PTPRB: variants seen among roughly 807,000 people sequenced by gnomAD.
PTPRB encodes the protein receptor-type tyrosine-protein phosphatase beta.
PTPRB carries 97 observed loss-of-function variants against 238.1 expected under a neutral mutation model. The observed-to-expected ratio is 0.41, with a 90% CI of 0.35 to 0.48. The LOEUF (loss-of-function observed/expected upper bound fraction) is 0.48, where lower values mean the gene tolerates loss of function less well. Among genes scored for constraint, PTPRB ranks in the 20% least tolerant of loss-of-function variants. The pLI is 0.30. For synonymous variants in PTPRB, 970 were observed against 995.4 expected, an observed-to-expected ratio of 0.97 and a Z score of 0.48; for missense variants, 2,292 against 2,681.9, an observed-to-expected ratio of 0.85 and a Z score of 3.21.
At chr12:70,563,168 G>A (rs968415983) in intron 15 of PTPRB, 61 bp from the exon 16 acceptor site, 2 of 1,460,176 alleles carry the variant, frequency 1.4e-6, no homozygotes, top group African/African-American at 2.9e-5. Flanking sequence ...AAGGGAGCAG[G>A]TGGGGAAGAG....
chr12:70,526,136 C>CAGCT (rs1294065592), intron 32 of PTPRB, among the ~76,000 whole-genome samples: 1 of 152,088 alleles, frequency 6.6e-6, no homozygotes, highest in African/African-American at 2.4e-5. Flanking sequence ...CTAGCTTGGC[C>CAGCT]AGCTATCCAT....
intron 15 of PTPRB, among the ~76,000 whole-genome samples, chr12:70,565,100 C>G (rs948577041): frequency 6.6e-6 from 1 of 152,024 alleles, no homozygotes; most frequent in African/African-American, 2.4e-5. Context: ...AGTGCCTAGC[C>G]TATAGTAGGT....
rs1212419595 is a variant in PTPRB, at chr12:70,519,601, G to A, written c.*1888C>T. The A allele has an allele frequency of 6.6e-6, 1 of 152,228 alleles. No homozygotes were observed. Among genetic ancestry groups the A allele is most frequent in the Non-Finnish European group, 1.5e-5 (1 of 68,054 alleles). 9.4% of individuals were successfully genotyped at this position (152,228 alleles called of 1,614,324 possible). On this transcript the variant is annotated 3_prime_UTR_variant, in exon 34 of 34. Coordinates refer to ENST00000334414, the MANE Select transcript of PTPRB (RefSeq NM_001109754.4). ...ATGTGCTTTGCATCAAGCAACATTA[G>A]TGTAAAATTCTGCTTTTTCTCTTTT...
At position 70,544,590 on chromosome 12, in the gene PTPRB, T is replaced by C; in HGVS notation, c.5461A>G (p.Thr1821Ala). Residue 1821 changes from threonine (T) to alanine (A), a missense_variant, in exon 22 of 34, where the codon ACA (threonine) becomes GCA (alanine). Thr to Ala is a moderately conservative substitution (Grantham distance 58). Transcript: ENST00000334414. ...KEFTKPLYSD[T>A]FFSLPITTES... ...GTAGTGATGGGTAAAGAAAAAAATG[T>C]GTCTGAATAGAGTGGCTTTGTGAAT... is the stretch of plus-strand genomic sequence containing the variant. 1 of 1,612,208 alleles carries C rather than the reference T, an allele frequency of 6.2e-7. No individual in the cohort carries two copies. Among genetic ancestry groups the C allele is most frequent in the Non-Finnish European group, 8.5e-7 (1 of 1,179,230 alleles).
intron 3 of PTPRB, among the ~76,000 whole-genome samples, chr12:70,615,585 C>T (rs748554983): frequency 2.2e-4 from 33 of 152,140 alleles, no homozygotes; most frequent in Non-Finnish European, 4.4e-5. Context: ...AATTTATAAT[C>T]AGATGTGAGT....
chr12:70,528,551 T>C (rs980048156), intron 32 of PTPRB, among the ~76,000 whole-genome samples: 1 of 152,088 alleles, frequency 6.6e-6, no homozygotes, highest in African/African-American at 2.4e-5. Context: ...TCGTGACTGC[T>C]TGGATGTGGG....
At chr12:70,632,624 A>G (rs1343224455) in intron 2 of PTPRB, among the ~76,000 whole-genome samples, 1 of 152,020 alleles carries the variant, frequency 6.6e-6, no homozygotes, top group Non-Finnish European at 1.5e-5. Context: ...ACTGGCAAGG[A>G]CATATATTGG....
At chr12:70,539,448 G>A (rs1433110072) in intron 26 of PTPRB, 177 bp downstream of exon 26, 2 of 604,290 alleles carry the variant, frequency 3.3e-6, no homozygotes, top group Non-Finnish European at 5.8e-6. Context: ...TGGCCTCTAA[G>A]ATTAGATGGT....
intron 10 of PTPRB, among the ~76,000 whole-genome samples, chr12:70,577,299 T>C (rs1048265938): frequency 4.6e-5 from 7 of 152,302 alleles, no homozygotes; most frequent in Non-Finnish European, 7.4e-5. Flanking sequence ...AGAACTGTTA[T>C]GGCGATAATG....
In PTPRB at chr12:70,516,294, G is replaced by T. The variant is rs1871193143; in HGVS notation, c.*5195C>A. 1 of 152,206 alleles carries T rather than the reference G, an allele frequency of 6.6e-6. No individual in the cohort carries two copies. Among genetic ancestry groups the T allele is most frequent in the Non-Finnish European group, 1.5e-5 (1 of 68,026 alleles). 9.4% of individuals were successfully genotyped at this position (152,206 alleles called of 1,614,324 possible). A position where few individuals can be genotyped will look rare whatever the true frequency, so the allele number is the denominator to read the frequency against. On this transcript the variant is annotated 3_prime_UTR_variant, in exon 34 of 34. Transcript: ENST00000334414. Reference sequence around the variant, plus strand: ...CAGGCCAGGAGCAATTTCAAGAAGTGTGTGTAGAATGTCTATGAGCTGTGC... The same window carrying T: ...CAGGCCAGGAGCAATTTCAAGAAGTTTGTGTAGAATGTCTATGAGCTGTGC...
At position 70,540,036 on chromosome 12, in the gene PTPRB, G is replaced by A. The variant is rs772902396; in HGVS notation, c.5595-14C>T. ...TCTCGACCATGGCTGAAACATAAGG[G>A]AGATAACTTTTATTCTGATTATGAT... On this transcript the variant is annotated splice_polypyrimidine_tract_variant and intron_variant, in intron 23 of 33. Transcript: ENST00000334414. The A allele has an allele frequency of 2.0e-5, 32 of 1,585,258 alleles. No homozygotes were observed. Among genetic ancestry groups the A allele is most frequent in the Non-Finnish European group, 3.5e-6 (4 of 1,155,116 alleles).
At chr12:70,580,995 A>G in intron 10 of PTPRB, 41 bp downstream of exon 10, 1 of 1,590,280 alleles carries the variant, frequency 6.3e-7, no homozygotes, top group Non-Finnish European at 8.6e-7. Context: ...TCATGTACTC[A>G]GATCTTAGTT....
intron 32 of PTPRB, among the ~76,000 whole-genome samples, chr12:70,529,692 C>T (rs1302516624): frequency 6.6e-6 from 1 of 152,052 alleles, no homozygotes; most frequent in Non-Finnish European, 1.5e-5. Context: ...AATTCTGCAA[C>T]CTTTGATGAA....
intron 4 of PTPRB, among the ~76,000 whole-genome samples, chr12:70,607,672 G>A (rs1048987544): frequency 6.6e-6 from 1 of 151,674 alleles, no homozygotes; most frequent in African/African-American, 2.4e-5. Flanking sequence ...AAGTAGCTGG[G>A]ATTACAGGCG....
intron 3 of PTPRB, among the ~76,000 whole-genome samples, chr12:70,612,294 A>G (rs1164390226): frequency 6.6e-6 from 1 of 152,250 alleles, no homozygotes; most frequent in African/African-American, 2.4e-5. Flanking sequence ...TCCTTTTAAA[A>G]GTACAAAACT....
chr12:70,596,183 A>C lies in PTPRB; in HGVS notation c.1124T>G (p.Val375Gly). The C allele has an allele frequency of 6.2e-7, 1 of 1,611,804 alleles. No homozygotes were observed. Among genetic ancestry groups the C allele is most frequent in the African/African-American group, 1.3e-5 (1 of 74,256 alleles). ...FDENNQKIQGVQIQESTSWNE... is the reference protein window; with the variant it reads ...FDENNQKIQGGQIQESTSWNE... ...CCATGAAGTACTTTCTTGAATTTGA[A>C]CCCCCTGTATCTTTTGGTTATTTTC... The change falls in exon 5 of 34, where the codon GTT (valine) becomes GGT (glycine). Residue 375 changes from valine to glycine, a missense_variant. Physicochemically the swap from Val to Gly is moderately radical, Grantham distance 109. This residue lies in a region of PTPRB where 1,205 missense variants were observed against 1,287.8 expected (regional missense o/e 0.94). Transcript: ENST00000334414.
chr12:70,624,540 G>C (rs1198149893), intron 2 of PTPRB, among the ~76,000 whole-genome samples: 9 of 152,130 alleles, frequency 5.9e-5, no homozygotes. Flanking sequence ...CAAACTCCAG[G>C]AAACAATCTT....
intron 23 of PTPRB, 81 bp downstream of exon 23, chr12:70,540,777 C>T (rs1874950736): frequency 1.0e-6 from 1 of 996,674 alleles, no homozygotes; most frequent in African/African-American, 1.6e-5. Flanking sequence ...ATTTTCCCTT[C>T]TTAGTTTTCA....
At position 70,571,163 on chromosome 12, in the gene PTPRB, A is replaced by C. The variant is rs1220736642; in HGVS notation, c.3233T>G (p.Val1078Gly). The change falls in exon 13 of 34, where the codon GTA becomes GGA. Residue 1078 changes from valine to glycine, a missense_variant. Physicochemically the swap from Val to Gly is moderately radical, Grantham distance 109 (BLOSUM62 -3). Coordinates refer to ENST00000334414, the MANE Select transcript of PTPRB (RefSeq NM_001109754.4). Reference protein sequence around the residue: ...EIQLLFNDMKVFPPFHLVNTA... With the variant: ...EIQLLFNDMKGFPPFHLVNTA... ...ATTTACAAGGTGAAAAGGAGGAAATACTTTCATGTCATTGAAGAGCAGCTG... is the reference window on the plus strand; with the variant it reads ...ATTTACAAGGTGAAAAGGAGGAAATCCTTTCATGTCATTGAAGAGCAGCTG... The C allele has an allele frequency of 6.2e-7, 1 of 1,614,020 alleles. No individual in the cohort carries two copies. Among genetic ancestry groups the C allele is most frequent in the Admixed American group, 1.7e-5 (1 of 60,030 alleles).
Sources: gnomAD v4.1 joint callset for allele counts (sites outside exome capture counted in the v4.1 genomes callset) on GRCh38, gnomAD v4.1.1 for gene constraint, gnomAD v4.1.1 regional missense constraint, MANE v1.5 for transcripts, NCBI Gene and HGNC (gene_info 2026-07-23, HGNC 2026-07-21) for gene names.